POLQ: variants seen among roughly 807,000 people sequenced by gnomAD.
POLQ encodes epididymis secretory sperm binding protein.
A neutral mutation model predicts 259.2 loss-of-function variants in POLQ; 233 were observed. The ratio of observed to expected loss-of-function variants is 0.90; its 90% confidence interval spans 0.81 to 1.00. The LOEUF is 1.00. Among genes scored for constraint, POLQ ranks in the 50% least tolerant of loss-of-function variants. The pLI is 0.00. For synonymous variants in POLQ, 1,025 were observed against 1,048.8 expected (o/e 0.98, Z 0.44); for missense variants, 2,871 against 3,051.6 (o/e 0.94, Z 1.39).
chr3:121,501,561 A>T (rs2048168209), intron 12 of POLQ, among the ~76,000 whole-genome samples: 1 of 139,102 alleles, frequency 7.2e-6, no homozygotes, highest in Non-Finnish European at 1.5e-5. Flanking sequence ...TGGGAGGCTG[A>T]GGCAGGAGGA....
At chr3:121,470,124 G>C (rs2047871542) in intron 22 of POLQ, among the ~76,000 whole-genome samples, 1 of 152,044 alleles carries the variant, frequency 6.6e-6, no homozygotes, top group Non-Finnish European at 1.5e-5. Context: ...CCAATATAGT[G>C]AAACACTGTC....
chr3:121,478,564 T>G (rs1369878300), intron 19 of POLQ, among the ~76,000 whole-genome samples: 1 of 103,826 alleles, frequency 9.6e-6, no homozygotes, highest in African/African-American at 3.6e-5. Flanking sequence ...TCACAATAAA[T>G]TGGCAAATTT....
Position 121,477,152 on chromosome 3 carries a change from G to A in POLQ, c.6212-419C>T, listed in dbSNP as rs532428647. Among the ~76,000 whole-genome samples, 18 of 152,230 alleles carry A rather than the reference G, an allele frequency of 1.2e-4. No homozygotes were observed. In the South Asian group the frequency reaches 2.9e-3, roughly 25 times the overall value. ...TCCATACCTGACTTTACGTGACAGG[G>A]CACAGTCAAAACACAGGTGTACAAC... On this transcript the variant is annotated intron_variant, in intron 19 of 29. Transcript: ENST00000264233.
intron 13 of POLQ, among the ~76,000 whole-genome samples, chr3:121,498,085 T>C (rs1576417930): frequency 6.6e-6 from 1 of 151,724 alleles, no homozygotes; most frequent in South Asian, 2.1e-4. Context: ...CGGAGGCGGG[T>C]GGATCACCTG....
intron 14 of POLQ, among the ~76,000 whole-genome samples, chr3:121,496,239 C>T (rs1033587090): frequency 3.4e-5 from 5 of 147,100 alleles, no homozygotes; most frequent in African/African-American, 1.0e-4. Context: ...TGCAGTGGTG[C>T]GATCTCAGCT....
chr3:121,445,593 T>C (rs926307136), intron 26 of POLQ, among the ~76,000 whole-genome samples: 1 of 152,212 alleles, frequency 6.6e-6, no homozygotes, highest in African/African-American at 2.4e-5. Context: ...CCAGGTGCAG[T>C]GGCTCAAGCC....
chr3:121,494,747 A>C, intron 14 of POLQ: 3 of 1,536,796 alleles, frequency 2.0e-6, no homozygotes, highest in Non-Finnish European at 2.7e-6. Context: ...AGACAAAGGC[A>C]CTTTGGCTAA....
chr3:121,454,631 A>C (rs1405284390), intron 25 of POLQ, among the ~76,000 whole-genome samples: 1 of 152,248 alleles, frequency 6.6e-6, no homozygotes, highest in Admixed American at 6.5e-5. Context: ...CAAAAGAGAC[A>C]AAGAAGGCCA....
chr3:121,485,256 TA>T, intron 16 of POLQ, 72 bp from the exon 17 acceptor site: 1 of 1,079,008 alleles, frequency 9.3e-7, no homozygotes, highest in Non-Finnish European at 1.3e-6. Flanking sequence ...TTAAAACAAT[TA>T]TAATAAAAAA....
At chr3:121,506,260 T>G (rs1029377016) in intron 12 of POLQ, among the ~76,000 whole-genome samples, 1 of 141,372 alleles carries the variant, frequency 7.1e-6, no homozygotes, top group Admixed American at 7.5e-5. Flanking sequence ...TAAAAAAACC[T>G]TTAAAACTAA....
chr3:121,466,629 G>A (rs1207520430), intron 24 of POLQ, among the ~76,000 whole-genome samples: 1 of 151,348 alleles, frequency 6.6e-6, no homozygotes, highest in Admixed American at 6.6e-5. Context: ...GGCAGAGGTT[G>A]CGCTGAGCCG....
chr3:121,541,580 G>T, intron 2 of POLQ, 101 bp from the exon 3 acceptor site: 2 of 1,042,110 alleles, frequency 1.9e-6, no homozygotes, highest in Non-Finnish European at 2.8e-6. Flanking sequence ...AGAGCCTAAG[G>T]CTAACCAATC....
intron 6 of POLQ, among the ~76,000 whole-genome samples, chr3:121,532,571 G>A (rs975550198): frequency 4.6e-5 from 7 of 151,806 alleles, no homozygotes; most frequent in African/African-American, 7.3e-5. Context: ...GCATGATCTC[G>A]GCTCACTGCA....
chr3:121,488,842 T>C lies in POLQ; in HGVS notation c.4089A>G (p.Ser1363=). 1 of 1,614,002 alleles carries C rather than the reference T, an allele frequency of 6.2e-7. No homozygotes were observed. The highest frequency in any genetic ancestry group is 8.5e-7 in the Non-Finnish European group (1 of 1,179,918). Residue 1363 remains serine, a synonymous_variant, in exon 16 of 30, where the codon TCA becomes TCG. Coordinates refer to ENST00000264233, the MANE Select transcript of POLQ (RefSeq NM_199420.4). The part of the protein sequence containing the change: ...IMQKSLVQQN[S]MNSFQKECHI... The stretch of plus-strand genomic sequence containing the variant: ...GACACTCCTTCTGAAAAGAGTTCAT[T>C]GAGTTCTGTTGGACTAAGCTCTTCT...
intron 9 of POLQ, among the ~76,000 whole-genome samples, chr3:121,514,339 A>AC (rs1382785828): frequency 8.0e-5 from 12 of 149,756 alleles, no homozygotes; most frequent in Admixed American, 4.7e-4. Flanking sequence ...TTAAAAAAAA[A>AC]AACAACAACA....
rs187048464 is a variant in POLQ at position 121,512,077 on chromosome 3, A to G, written c.1469-48T>C. 2.6e-4 allele frequency: 400 copies of G among 1,517,654 alleles called. 2 individuals are homozygous for G. In the African/African-American group the frequency reaches 5.0e-3, roughly 19 times the overall value. The allele number at this position is 1,517,654 out of a possible 1,614,324, so 94.0% of individuals were successfully genotyped here. The stretch of plus-strand genomic sequence containing the variant: ...TGCAAAATCCCAATATAGTTCCATA[A>G]GATATCTGCTAAAGAGATTTTAAGT... On this transcript the variant is annotated intron_variant, in intron 9 of 29. Transcript: ENST00000264233.
chr3:121,458,727 G>A (rs748322496), intron 25 of POLQ, among the ~76,000 whole-genome samples: 3 of 152,312 alleles, frequency 2.0e-5, no homozygotes, highest in African/African-American at 7.2e-5. Context: ...GTTAGAGAAA[G>A]TGTTCCATGC....
chr3:121,480,149 TAAAA>T (rs2047959215), intron 19 of POLQ, among the ~76,000 whole-genome samples: 1 of 149,736 alleles, frequency 6.7e-6, no homozygotes, highest in Non-Finnish European at 1.5e-5. Flanking sequence ...AGTGGAGTAA[TAAAA>T]AGAAAAAAAA....
rs1192752210 is a variant in POLQ, at chr3:121,460,217, CA to C, written c.6984del (p.Ala2329LeufsTer8). ...CTCAGTTCAAGCTGAGAGTAGTCAG[CA>C]GCCAGTATTGAACCACCTGAAGTAG... is the stretch of plus-strand genomic sequence containing the variant. ...FVPFPGGSIL[A>X]ADYSQLELRI... is the part of the protein sequence containing the mutation. On this transcript the variant is annotated frameshift_variant, in exon 25 of 30. Transcript: ENST00000264233. LOFTEE classifies it high-confidence loss of function. 6.2e-7 allele frequency: 1 copy of C among 1,612,842 alleles called. No homozygotes were observed. The highest frequency in any genetic ancestry group is 8.5e-7 in the Non-Finnish European group (1 of 1,178,966).
Sources: gnomAD v4.1 joint callset for allele counts (sites outside exome capture counted in the v4.1 genomes callset) on GRCh38, gnomAD v4.1.1 for gene constraint, MANE v1.5 for transcripts, NCBI Gene and HGNC (gene_info 2026-07-23, HGNC 2026-07-21) for gene names.